Variants in ELP4 observed in about 807,000 individuals in gnomAD.
ELP4 encodes the protein elongator acetyltransferase complex subunit 4.
Under a neutral mutation model 48.9 loss-of-function variants are expected in ELP4, and 51 were observed. The observed-to-expected ratio is 1.04, with a 90% CI of 0.83 to 1.32. ELP4 has a LOEUF of 1.32. Among genes scored for constraint, ELP4 ranks in the 40% most tolerant of loss-of-function variants. The pLI is 0.00. For synonymous variants in ELP4, 210 were observed against 189.2 expected, an observed-to-expected ratio of 1.11 and a Z score of -0.90; for missense variants, 519 against 514.6, an observed-to-expected ratio of 1.01 and a Z score of -0.08.
chr11:31,640,230 CTTTA>C (rs1255823074), intron 7 of ELP4, among the ~76,000 whole-genome samples: 2 of 151,876 alleles, frequency 1.3e-5, no homozygotes, highest in Non-Finnish European at 2.9e-5. Flanking sequence ...ACAAGTACAA[CTTTA>C]TTTAATTTTT....
chr11:31,685,345 G>A (rs1044800495), intron 9 of ELP4, among the ~76,000 whole-genome samples: 3 of 151,458 alleles, frequency 2.0e-5, no homozygotes, highest in Admixed American at 1.3e-4. Flanking sequence ...GCAAGACTCC[G>A]TCTCAAAACA....
chr11:31,639,701 C>A (rs1359982128), intron 7 of ELP4, among the ~76,000 whole-genome samples: 1 of 151,622 alleles, frequency 6.6e-6, no homozygotes, highest in African/African-American at 2.4e-5. Context: ...TATTTTAAAT[C>A]GTCAGTAAGG....
At chr11:31,714,471 A>T (rs1415644003) in intron 9 of ELP4, among the ~76,000 whole-genome samples, 2 of 152,198 alleles carry the variant, frequency 1.3e-5, no homozygotes, top group East Asian at 3.8e-4. Context: ...CTGTTGACTC[A>T]TATTGTTACT....
At chr11:31,743,671 C>T in intron 9 of ELP4, among the ~76,000 whole-genome samples, 1 of 152,020 alleles carries the variant, frequency 6.6e-6, no homozygotes, top group Non-Finnish European at 1.5e-5. Context: ...GAAATGAAGG[C>T]AGAAATAAAG....
chr11:31,620,022 T>A (rs535154428), intron 5 of ELP4, among the ~76,000 whole-genome samples: 2 of 151,998 alleles, frequency 1.3e-5, no homozygotes, highest in Non-Finnish European at 2.9e-5. Context: ...TGAAAGGTTA[T>A]AAACTGATAA....
intron 9 of ELP4, chr11:31,662,674 G>T (rs1410066567): frequency 7.6e-6 from 3 of 397,146 alleles, no homozygotes; most frequent in Non-Finnish European, 8.9e-6. Flanking sequence ...TGTCAATTTG[G>T]TGATAATGAT....
intron 5 of ELP4, among the ~76,000 whole-genome samples, chr11:31,612,866 GT>G (rs1958007843): frequency 6.6e-6 from 1 of 152,124 alleles, no homozygotes; most frequent in South Asian, 2.1e-4. Flanking sequence ...GCATGGATTT[GT>G]TTGTTAGTTT....
intron 9 of ELP4, among the ~76,000 whole-genome samples, chr11:31,734,223 A>T (rs1464791378): frequency 6.6e-6 from 1 of 152,220 alleles, no homozygotes; most frequent in Non-Finnish European, 1.5e-5. Context: ...TAGCAACATA[A>T]TAAAGACCAT....
In ELP4 at chr11:31,533,610, G is replaced by T. The variant is rs554369197; in HGVS notation, c.260-6052G>T. Among the ~76,000 whole-genome samples, 10 of 150,758 alleles carry T rather than the reference G, an allele frequency of 6.6e-5. No homozygotes were observed. The South Asian group carries it at 2.1e-3, about 32-fold the overall frequency. On this transcript the variant is annotated intron_variant, in intron 2 of 9. Coordinates refer to ENST00000640961, the MANE Select transcript of ELP4 (RefSeq NM_019040.5). ...TCACCGTGTTAGCCAGGATGGTCTC[G>T]ATCTCCTGACCTCGTGATCCGCCCG...
chr11:31,743,147 A>T (rs1349693783), intron 9 of ELP4, among the ~76,000 whole-genome samples: 1 of 152,210 alleles, frequency 6.6e-6, no homozygotes, highest in Non-Finnish European at 1.5e-5. Context: ...ACCAAAAGAG[A>T]CAAGACCATT....
intron 3 of ELP4, among the ~76,000 whole-genome samples, chr11:31,582,702 G>A (rs1957410922): frequency 6.6e-6 from 1 of 152,132 alleles, no homozygotes; most frequent in Non-Finnish European, 1.5e-5. Context: ...GTGTGTTTGG[G>A]CATGAAACTT....
At chr11:31,707,049 C>T (rs1252487641) in intron 9 of ELP4, 3 of 398,178 alleles carry the variant, frequency 7.5e-6, no homozygotes, top group Non-Finnish European at 1.3e-5. Context: ...CGTGGATGTC[C>T]GGATGTCTCT....
intron 3 of ELP4, among the ~76,000 whole-genome samples, chr11:31,551,965 C>A (rs1175116571): frequency 6.6e-6 from 1 of 152,040 alleles, no homozygotes; most frequent in Non-Finnish European, 1.5e-5. Context: ...AATCAAACTT[C>A]CTTCCTTTTA....
At chr11:31,523,242 T>C (rs1956244554) in intron 2 of ELP4, among the ~76,000 whole-genome samples, 1 of 152,150 alleles carries the variant, frequency 6.6e-6, no homozygotes, top group Admixed American at 6.6e-5. Context: ...CTTGAAGATA[T>C]GGAAGCATAG....
chr11:31,522,391 A>G (rs1473917159), intron 2 of ELP4, among the ~76,000 whole-genome samples: 2 of 152,202 alleles, frequency 1.3e-5, no homozygotes, highest in East Asian at 3.8e-4. Context: ...CCATGTAAGT[A>G]ATATACATGG....
At chr11:31,584,488 A>C (rs1198820115) in intron 3 of ELP4, among the ~76,000 whole-genome samples, 1 of 152,012 alleles carries the variant, frequency 6.6e-6, no homozygotes, top group African/African-American at 2.4e-5. Flanking sequence ...GATAACTTTA[A>C]AATAATTTAT....
At position 31,783,953 on chromosome 11, in the gene ELP4, A is replaced by G. The variant is rs1201326870; in HGVS notation, c.*429A>G. The G allele has an allele frequency of 6.5e-6, 1 of 152,890 alleles. No homozygotes were observed. The highest frequency in any genetic ancestry group is 1.5e-5 in the Non-Finnish European group (1 of 68,516). 9.5% of individuals were successfully genotyped at this position (152,890 alleles called of 1,614,324 possible). A position where few individuals can be genotyped will look rare whatever the true frequency, so the allele number is the denominator to read the frequency against. ...TGCCACCAAAAATGCTGTTTTTTAA[A>G]TGAAAATGTGTTTACTAATATATAA... On this transcript the variant is annotated 3_prime_UTR_variant, in exon 10 of 10. Transcript: ENST00000640961.
intron 4 of ELP4, among the ~76,000 whole-genome samples, chr11:31,595,926 A>G (rs1957664035): frequency 6.6e-6 from 1 of 152,064 alleles, no homozygotes; most frequent in African/African-American, 2.4e-5. Flanking sequence ...AAAACACTAC[A>G]TTCAACTATC....
intron 7 of ELP4, among the ~76,000 whole-genome samples, chr11:31,637,095 C>T (rs1384949812): frequency 2.0e-5 from 3 of 151,862 alleles, no homozygotes; most frequent in East Asian, 1.9e-4. Flanking sequence ...GAACTATGGA[C>T]GGCTCCCCTA....
Sources: gnomAD v4.1 joint callset for allele counts (sites outside exome capture counted in the v4.1 genomes callset) on GRCh38, gnomAD v4.1.1 for gene constraint, MANE v1.5 for transcripts, NCBI Gene and HGNC (gene_info 2026-07-23, HGNC 2026-07-21) for gene names.